Variants in NFIB observed in about 807,000 individuals in gnomAD.
NFIB encodes nuclear factor 1 B-type.
In NFIB, 11 loss-of-function variants were observed where a neutral mutation model predicts 61.5. The ratio of observed to expected loss-of-function variants is 0.18; its 90% CI spans 0.11 to 0.30. The LOEUF (loss-of-function observed/expected upper bound fraction) is 0.30, where lower values mean the gene tolerates loss of function less well. Ranked by LOEUF, NFIB falls within the 10% of genes least tolerant of loss-of-function variation. The probability of loss-of-function intolerance (pLI) is 1.00; values close to 1 mark genes in which losing one functional copy is unlikely to be tolerated. For missense variants in NFIB, 471 were observed against 608.9 expected, an observed-to-expected ratio of 0.77 and a Z score of 2.38; for synonymous variants, 260 against 216.5, an observed-to-expected ratio of 1.20 and a Z score of -1.76.
At chr9:14,112,742 G>C (rs1175528515) in intron 10 of NFIB, among the ~76,000 whole-genome samples, 3 of 152,140 alleles carry the variant, frequency 2.0e-5, no homozygotes, top group Non-Finnish European at 2.9e-5. Flanking sequence ...ATACACTTTG[G>C]CTGAAACACT....
the NFIB span, among the ~76,000 whole-genome samples, chr9:14,516,162 G>C: frequency 6.6e-6 from 1 of 152,170 alleles, no homozygotes; most frequent in African/African-American, 2.4e-5. Context: ...CCCAGCACAC[G>C]GCCTGTAACC....
chr9:14,314,963 G>A (rs2060472238), upstream of NFIB, among the ~76,000 whole-genome samples: 1 of 151,930 alleles, frequency 6.6e-6, no homozygotes, highest in Admixed American at 6.5e-5. Flanking sequence ...CTGAGCCCGA[G>A]AAAGGAACGA....
At chr9:14,223,136 C>A (rs181228282) in intron 2 of NFIB, among the ~76,000 whole-genome samples, 48 of 152,166 alleles carry the variant, frequency 3.2e-4, no homozygotes, top group African/African-American at 1.1e-3. Flanking sequence ...GCATTCAAAG[C>A]GATCCTGGGT....
At chr9:14,144,095 G>A (rs1232553903) in intron 6 of NFIB, among the ~76,000 whole-genome samples, 1 of 150,080 alleles carries the variant, frequency 6.7e-6, no homozygotes, top group Non-Finnish European at 1.5e-5. Flanking sequence ...TGCCTTTACA[G>A]ACTCCTCCAA....
At chr9:14,461,247 TA>T in the NFIB span, among the ~76,000 whole-genome samples, 1 of 152,174 alleles carries the variant, frequency 6.6e-6, no homozygotes, top group East Asian at 1.9e-4. Context: ...CAGAGTTGAT[TA>T]AATGTTTATT....
chr9:14,194,450 GAC>G, intron 2 of NFIB, among the ~76,000 whole-genome samples: 1 of 152,210 alleles, frequency 6.6e-6, no homozygotes, highest in East Asian at 1.9e-4. Context: ...GAATGGGTGG[GAC>G]AGGGAGCCTA....
chr9:14,160,831 C>CA (rs36063048), intron 3 of NFIB, among the ~76,000 whole-genome samples: 59,103 of 96,332 alleles, frequency 0.61, 19,722 homozygotes, highest in Non-Finnish European at 0.74. Context: ...AAGGAAATCT[C>CA]AAAAAAAAAA....
chr9:14,224,738 G>T (rs1297070042), intron 2 of NFIB, among the ~76,000 whole-genome samples: 5 of 152,182 alleles, frequency 3.3e-5, no homozygotes, highest in Non-Finnish European at 7.3e-5. Flanking sequence ...TATCCCCAGT[G>T]GGGCCTGGGG....
the NFIB span, among the ~76,000 whole-genome samples, chr9:14,531,282 A>G: frequency 2.6e-5 from 4 of 152,234 alleles, no homozygotes; most frequent in Non-Finnish European, 5.9e-5. Context: ...CTGGACAAAT[A>G]TAAGAGGGGA....
rs1317671946 is a variant in NFIB at position 14,287,374 on chromosome 9, AGCTGAGATCAC to A, written c.562+19604_562+19614del. 1.3e-4 allele frequency among the ~76,000 whole-genome samples: 20 copies of A among 149,746 alleles called. No individual in the cohort carries two copies. The South Asian group carries it at 1.5e-3, about 11-fold the overall frequency. On this transcript the variant is annotated intron_variant, in intron 2 of 10. Transcript: ENST00000380953. ...TGAACCCGGGAGGCGGCTTGCAGTG[AGCTGAGATCAC>A]GCCACTGCACTCCAGCCTGGGTGAC...
At chr9:14,249,125 A>G (rs922002460) in intron 2 of NFIB, among the ~76,000 whole-genome samples, 4 of 152,240 alleles carry the variant, frequency 2.6e-5, no homozygotes, top group African/African-American at 9.6e-5. Flanking sequence ...CCACTGAAAT[A>G]AGAACTTAGT....
the NFIB span, among the ~76,000 whole-genome samples, chr9:14,494,404 G>A: frequency 6.6e-6 from 1 of 152,114 alleles, no homozygotes; most frequent in Non-Finnish European, 1.5e-5. Flanking sequence ...TGCCAAAGAC[G>A]TAAACATGAC....
At chr9:14,148,690 T>C (rs967718676) in intron 5 of NFIB, among the ~76,000 whole-genome samples, 6 of 151,854 alleles carry the variant, frequency 4.0e-5, no homozygotes, top group Non-Finnish European at 8.8e-5. Flanking sequence ...AAGTGTGCTC[T>C]TTCCACTGCA....
At chr9:14,422,507 C>T in the NFIB span, among the ~76,000 whole-genome samples, 1 of 152,162 alleles carries the variant, frequency 6.6e-6, no homozygotes, top group Non-Finnish European at 1.5e-5. Context: ...GGAACTCTTT[C>T]AATTGCACGT....
intron 4 of NFIB, among the ~76,000 whole-genome samples, 190 bp from the exon 5 acceptor site, chr9:14,150,455 T>C (rs1334933356): frequency 6.6e-6 from 1 of 152,178 alleles, no homozygotes; most frequent in Non-Finnish European, 1.5e-5. Context: ...ACGTTCAAGC[T>C]TGGAAATTTG....
intron 2 of NFIB, among the ~76,000 whole-genome samples, chr9:14,248,247 C>T (rs1357675413): frequency 3.3e-5 from 5 of 151,376 alleles, no homozygotes; most frequent in Non-Finnish European, 7.4e-5. Context: ...AATCCTCCCA[C>T]CTAAACTGCC....
chr9:14,471,887 A>T, the NFIB span, among the ~76,000 whole-genome samples: 1 of 152,132 alleles, frequency 6.6e-6, no homozygotes, highest in Non-Finnish European at 1.5e-5. Flanking sequence ...GAAGTGATTG[A>T]TCCACCTGTG....
Position 14,146,758 on chromosome 9 carries a change from T to G in NFIB, c.856A>C (p.Thr286Pro), listed in dbSNP as rs1447579081. ...CTTGGAGAGGGGTAAAAGTCTCCTG[T>G]AGGACTTGGTTCCATATTTTCATCT... is the stretch of plus-strand genomic sequence containing the variant. Reference protein sequence around the residue: ...SIDENMEPSPTGDFYPSPSSP... With the variant: ...SIDENMEPSPPGDFYPSPSSP... The change falls in exon 6 of 11, where the codon ACA becomes CCA. Residue 286 changes from threonine (T) to proline (P), a missense_variant. Thr to Pro is a conservative substitution (Grantham distance 38). Transcript: ENST00000380953. The G allele has an allele frequency of 1.2e-6, 2 of 1,607,202 alleles. No homozygotes were observed. Among genetic ancestry groups the G allele is most frequent in the African/African-American group, 2.7e-5 (2 of 74,378 alleles).
rs180927472 is a variant in NFIB at position 14,388,595 on chromosome 9, A to C, written c.108+9929T>G. Among the ~76,000 whole-genome samples the C allele has an allele frequency of 1.4e-3, 220 of 152,190 alleles. 1 individual carries two copies. Among genetic ancestry groups the C allele is most frequent in the African/African-American group, 4.8e-3 (199 of 41,540 alleles). On this transcript the variant is annotated intron_variant, in intron 1 of 8. Coordinates refer to the NFIB transcript ENST00000380934. Reference sequence around the variant, plus strand: ...GATACTCAGTGTACAAAACCTTAAAACCATCAAAAGTCTATATACCTACAT... The same window carrying C: ...GATACTCAGTGTACAAAACCTTAAACCCATCAAAAGTCTATATACCTACAT...
Sources: allele counts gnomAD v4.1 joint callset (sites outside exome capture counted in the v4.1 genomes callset), GRCh38; gene constraint gnomAD v4.1.1; transcripts MANE v1.5; gene names NCBI Gene and HGNC (gene_info 2026-07-23, HGNC 2026-07-21).